Variants in RGPD4 observed in about 807,000 individuals in gnomAD.
The protein encoded by RGPD4 is ranBP2-like and GRIP domain-containing protein 4.
In RGPD4, 84 loss-of-function variants were observed where a neutral mutation model predicts 141.1. The ratio of observed to expected loss-of-function variants is 0.60; its 90% confidence interval spans 0.50 to 0.71. RGPD4 has a LOEUF of 0.71. RGPD4 is among the 30% of genes least tolerant of loss of function. The pLI is 0.00. For missense variants in RGPD4, 918 were observed against 1,622.4 expected (o/e 0.57, Z 7.46); for synonymous variants, 298 against 566.8 (o/e 0.53, Z 6.74).
intron 20 of RGPD4, among the ~76,000 whole-genome samples, chr2:107,875,163 T>C (rs2104504903): frequency 1.0e-5 from 1 of 97,350 alleles, no homozygotes; most frequent in South Asian, 3.7e-4. Flanking sequence ...GAAGACCGCA[T>C]CTCAAATAAA....
chr2:107,872,184 C>A lies in RGPD4; in HGVS notation c.4180C>A (p.Arg1394Ser), dbSNP rs527699077. The stretch of plus-strand genomic sequence containing the variant: ...ACAGAATTATGATAATAAGCAAGTT[C>A]GTATAGTGATGAGAAGGGACCAAGT... ...ILQNYDNKQV[R>S]IVMRRDQVLK... is the part of the protein sequence containing the mutation. The change falls in exon 20 of 23, where the codon CGT (arginine) becomes AGT (serine). Residue 1394 changes from arginine to serine, a missense_variant. By Grantham distance (110) the Arg-to-Ser change is moderately radical (BLOSUM62 -1). Transcript: ENST00000408999. 5.6e-5 allele frequency: 90 copies of A among 1,611,414 alleles called. No individual in the cohort carries two copies. Among genetic ancestry groups the A allele is most frequent in the Non-Finnish European group, 6.7e-5 (79 of 1,179,836 alleles).
At chr2:107,852,250 C>CAA (rs374226591) in intron 7 of RGPD4, among the ~76,000 whole-genome samples, 225 of 113,804 alleles carry the variant, frequency 2.0e-3, no homozygotes, top group African/African-American at 3.0e-3. Context: ...GACTCCATCT[C>CAA]AAAAAAAAAA....
chr2:107,844,462 G>C (rs1028393851), intron 6 of RGPD4, among the ~76,000 whole-genome samples: 2 of 152,228 alleles, frequency 1.3e-5, no homozygotes, highest in African/African-American at 4.8e-5. Flanking sequence ...TTGTATGCCT[G>C]TAAAGCCAGA....
intron 1 of RGPD4, among the ~76,000 whole-genome samples, chr2:107,829,614 T>G (rs1034968971): frequency 6.6e-6 from 1 of 152,188 alleles, no homozygotes; most frequent in South Asian, 2.1e-4. Flanking sequence ...AGGCGGGCTC[T>G]GTTGAGGCGC....
At chr2:107,865,963 G>C (rs1308363355) in intron 17 of RGPD4, among the ~76,000 whole-genome samples, 1 of 110,292 alleles carries the variant, frequency 9.1e-6, no homozygotes, top group Non-Finnish European at 1.9e-5. Context: ...CCAGCTAGTT[G>C]GGAAGCTGAG....
intron 1 of RGPD4, among the ~76,000 whole-genome samples, chr2:107,829,563 C>T (rs1187606145): frequency 2.0e-5 from 3 of 146,916 alleles, no homozygotes; most frequent in Admixed American, 1.3e-4. Context: ...GCGGCGGCCT[C>T]GATGGCTCAG....
chr2:107,833,823 G>A (rs1035855587), intron 1 of RGPD4, among the ~76,000 whole-genome samples: 2 of 152,130 alleles, frequency 1.3e-5, no homozygotes, highest in Non-Finnish European at 2.9e-5. Context: ...CAGATTACAA[G>A]GTCGAGAGAG....
intron 7 of RGPD4, among the ~76,000 whole-genome samples, chr2:107,854,024 C>T (rs1362439553): frequency 1.2e-4 from 17 of 146,000 alleles, no homozygotes; most frequent in Admixed American, 1.2e-3. Flanking sequence ...GCTGGGATTA[C>T]AGGTGTGAGC....
intron 1 of RGPD4, among the ~76,000 whole-genome samples, chr2:107,832,111 C>G (rs971867020): frequency 6.6e-6 from 1 of 151,506 alleles, no homozygotes; most frequent in African/African-American, 2.4e-5. Flanking sequence ...TTACTACTTG[C>G]TTACTTAAAC....
At chr2:107,881,117 G>T (rs1675350943) in intron 21 of RGPD4, among the ~76,000 whole-genome samples, 1 of 149,782 alleles carries the variant, frequency 6.7e-6, no homozygotes, top group Non-Finnish European at 1.5e-5. Flanking sequence ...CTGCCACTGT[G>T]CAAGGCCACT....
intron 1 of RGPD4, among the ~76,000 whole-genome samples, chr2:107,834,032 A>C (rs919254230): frequency 6.6e-6 from 1 of 151,412 alleles, no homozygotes; most frequent in African/African-American, 2.4e-5. Flanking sequence ...AGGGGGGAAC[A>C]AGCCTTGTTC....
chr2:107,888,397 T>C (rs1454514095), intron 22 of RGPD4, among the ~76,000 whole-genome samples: 1 of 151,640 alleles, frequency 6.6e-6, no homozygotes, highest in African/African-American at 2.4e-5. Context: ...TAGGGAAATG[T>C]TTACAGTCAT....
rs1315078994 is a variant in RGPD4, at chr2:107,882,776, G to T, written c.5169G>T (p.Leu1723Phe). The T allele has an allele frequency of 1.2e-6, 2 of 1,611,298 alleles. No homozygotes were observed. Among genetic ancestry groups the T allele is most frequent in the Admixed American group, 3.3e-5 (2 of 59,956 alleles). Residue 1723 changes from leucine to phenylalanine, a missense_variant, in exon 22 of 23, where the codon TTG becomes TTT. Leu to Phe is a conservative substitution (Grantham distance 22). Coordinates refer to ENST00000408999, the MANE Select transcript of RGPD4 (RefSeq NM_182588.3). ...LKNVLLQFIFLKPGSERERLL... is the reference protein window; with the variant it reads ...LKNVLLQFIFFKPGSERERLL... ...ACGTCTTGCTGCAGTTCATTTTCTT[G>T]AAGCCAGGTAGTGAAAGAGAGAGAC...
Position 107,862,941 on chromosome 2 carries a change from T to C in RGPD4, c.2386-8T>C, listed in dbSNP as rs1299605143. 6.8e-6 allele frequency: 11 copies of C among 1,607,378 alleles called. No homozygotes were observed. Among genetic ancestry groups the C allele is most frequent in the Non-Finnish European group, 9.3e-6 (11 of 1,178,748 alleles). On this transcript the variant is annotated splice_polypyrimidine_tract_variant and splice_region_variant and intron_variant, in intron 16 of 22. Transcript: ENST00000408999. ...AATGCTCTTTTGTGATTTTTATTTT[T>C]TTTTTAGTATTCTCCCAAAACACCA...
At chr2:107,883,615 G>T (rs2104518806) in intron 22 of RGPD4, among the ~76,000 whole-genome samples, 1 of 105,504 alleles carries the variant, frequency 9.5e-6, no homozygotes, top group South Asian at 3.6e-4. Flanking sequence ...GGCAGAGCGA[G>T]ACTCCATCTC....
At chr2:107,863,617 C>T (rs1281214902) in intron 17 of RGPD4, among the ~76,000 whole-genome samples, 15 of 151,720 alleles carry the variant, frequency 9.9e-5, no homozygotes, top group African/African-American at 3.2e-4. Flanking sequence ...CTCAGCCTCC[C>T]GAGTAGCTGG....
intron 18 of RGPD4, among the ~76,000 whole-genome samples, chr2:107,868,529 ACT>A (rs1221443152): frequency 6.7e-6 from 1 of 149,802 alleles, no homozygotes; most frequent in African/African-American, 2.4e-5. Flanking sequence ...TCTTGGTAAA[ACT>A]CACACAAAAC....
intron 6 of RGPD4, among the ~76,000 whole-genome samples, chr2:107,845,519 G>T (rs1681894264): frequency 6.6e-6 from 1 of 150,602 alleles, no homozygotes; most frequent in South Asian, 2.1e-4. Context: ...CCTGAAGGGA[G>T]GACCCTGAGG....
chr2:107,840,468 G>C (rs2919186), intron 4 of RGPD4, among the ~76,000 whole-genome samples: 1 of 151,790 alleles, frequency 6.6e-6, no homozygotes, highest in African/African-American at 2.4e-5. Flanking sequence ...ACATGTTACC[G>C]TGTCCCGCTT....
Sources: allele counts gnomAD v4.1 joint callset (sites outside exome capture counted in the v4.1 genomes callset), GRCh38; gene constraint gnomAD v4.1.1; transcripts MANE v1.5; gene names NCBI Gene and HGNC (gene_info 2026-07-23, HGNC 2026-07-21).